Variants in NEK10 observed in about 807,000 individuals in gnomAD.
The protein encoded by NEK10 is serine/threonine-protein kinase Nek10.
In NEK10, 122 loss-of-function variants were observed where a neutral mutation model predicts 159.8. The ratio of observed to expected loss-of-function variants is 0.76; its 90% CI spans 0.66 to 0.89. NEK10 has a LOEUF of 0.89. NEK10 is among the 40% of genes least tolerant of loss of function. NEK10 has a pLI of 0.00. For missense variants in NEK10, 1,342 were observed against 1,323.1 expected (o/e 1.01, Z -0.22); for synonymous variants, 466 against 457.1 (o/e 1.02, Z -0.25).
At chr3:27,219,444 G>C (rs907295815) in intron 23 of NEK10, among the ~76,000 whole-genome samples, 1 of 152,158 alleles carries the variant, frequency 6.6e-6, no homozygotes, top group African/African-American at 2.4e-5. Context: ...CATTTATCTT[G>C]AGAACATGTA....
chr3:27,131,845 T>A, intron 32 of NEK10, 35 bp downstream of exon 32: 1 of 1,205,284 alleles, frequency 8.3e-7, no homozygotes, highest in Admixed American at 1.8e-5. Flanking sequence ...TGTGGTTTTG[T>A]CAGCAAAAGA....
At chr3:27,146,465 C>A (rs1944305924) in intron 30 of NEK10, among the ~76,000 whole-genome samples, 1 of 150,800 alleles carries the variant, frequency 6.6e-6, no homozygotes, top group Non-Finnish European at 1.5e-5. Flanking sequence ...CATGAAGAAG[C>A]AAAAAATATA....
intron 28 of NEK10, among the ~76,000 whole-genome samples, chr3:27,172,198 G>A (rs1215205509): frequency 1.3e-5 from 2 of 151,856 alleles, no homozygotes; most frequent in Non-Finnish European, 2.9e-5. Context: ...AGCTGGGTGT[G>A]GTGGAGCATG....
chr3:27,157,679 G>A (rs796267947), intron 30 of NEK10, among the ~76,000 whole-genome samples: 1 of 152,172 alleles, frequency 6.6e-6, no homozygotes, highest in East Asian at 1.9e-4. Context: ...GTAGGTTTCA[G>A]GGGACTGACT....
At chr3:27,287,975 A>ATTTATTTAAT (rs1222350647) in intron 19 of NEK10, among the ~76,000 whole-genome samples, 2 of 152,234 alleles carry the variant, frequency 1.3e-5, no homozygotes, top group East Asian at 3.9e-4. Context: ...ATAAAATTAA[A>ATTTATTTAAT]AACGTTCTAT....
At chr3:27,232,264 C>G (rs1175761414) in intron 23 of NEK10, among the ~76,000 whole-genome samples, 1 of 151,700 alleles carries the variant, frequency 6.6e-6, no homozygotes, top group Non-Finnish European at 1.5e-5. Context: ...TGCTACACAC[C>G]AAGAATGACC....
chr3:27,174,704 C>A lies in NEK10; in HGVS notation c.2635G>T (p.Ala879Ser), dbSNP rs564767841. 12 of 1,613,484 alleles carry A rather than the reference C, an allele frequency of 7.4e-6. 1 individual carries two copies. The South Asian group carries it at 7.7e-5, about 10-fold the overall frequency. The change falls in exon 27 of 36, where the codon GCC (alanine) becomes TCC (serine). Residue 879 changes from alanine (A) to serine (S), a missense_variant. Coordinates refer to ENST00000691995, the MANE Select transcript of NEK10 (RefSeq NM_001394966.1). ...TCATCTGACAGGATTTCGTCACAGG[C>A]CCTGTCTTCGTCTTTACCATAGGAG... ...QASYGKDEDR[A>S]CDEILSDDNF...
rs531790492 is a variant in NEK10 at position 27,252,207 on chromosome 3, A to T, written c.2090+4089T>A. On this transcript the variant is annotated intron_variant, in intron 23 of 35. Transcript: ENST00000691995. ...CTATAAGCCAATTCAAGTACAACAT[A>T]AGGTCAGGTAGAGGCAAGACTATGA... The T allele has an allele frequency of 1.6e-4, 79 of 505,474 alleles. No homozygotes were observed. In the East Asian group the frequency reaches 4.3e-3, roughly 28 times the overall value. The allele number at this position is 505,474 out of a possible 1,614,324, so 31.3% of individuals were successfully genotyped here. A position where few individuals can be genotyped will look rare whatever the true frequency, so the allele number is the denominator to read the frequency against.
intron 7 of NEK10, among the ~76,000 whole-genome samples, chr3:27,312,990 C>A (rs2044824045): frequency 6.6e-6 from 1 of 151,794 alleles, no homozygotes; most frequent in Non-Finnish European, 1.5e-5. Context: ...TTTCTGTAAA[C>A]ATTATACAGG....
chr3:27,293,205 TA>T (rs1238626095), intron 16 of NEK10, among the ~76,000 whole-genome samples: 1 of 152,056 alleles, frequency 6.6e-6, no homozygotes, highest in Non-Finnish European at 1.5e-5. Context: ...TCCCTTTGAT[TA>T]AAGTGAAATT....
chr3:27,293,580 C>A lies in NEK10; in HGVS notation c.1373+8G>T. 6.9e-7 allele frequency: 1 copy of A among 1,456,782 alleles called. No homozygotes were observed. The highest frequency in any genetic ancestry group is 9.6e-7 in the Non-Finnish European group (1 of 1,044,080). The allele number at this position is 1,456,782 out of a possible 1,614,324, so 90.2% of individuals were successfully genotyped here. A position where few individuals can be genotyped will look rare whatever the true frequency, so the allele number is the denominator to read the frequency against. ...CTAATGATCACTTATATTTCTCTAA[C>A]CTCATACCTTTTAAAGAGTGGTCTG... On this transcript the variant is annotated splice_region_variant and intron_variant, in intron 16 of 35. Transcript: ENST00000691995.
At chr3:27,123,817 C>T (rs773855977) in intron 32 of NEK10, among the ~76,000 whole-genome samples, 1 of 151,784 alleles carries the variant, frequency 6.6e-6, no homozygotes, top group African/African-American at 2.4e-5. Flanking sequence ...GCGAGAAGAA[C>T]ATTACAGGCA....
chr3:27,285,002 A>G (rs759935903), intron 20 of NEK10, 41 bp from the exon 21 acceptor site: 6 of 1,510,448 alleles, frequency 4.0e-6, no homozygotes, highest in Non-Finnish European at 4.5e-6. Context: ...TTTAAACTCA[A>G]TACAGGCATC....
At chr3:27,140,214 C>T (rs1022114902) in intron 31 of NEK10, among the ~76,000 whole-genome samples, 1 of 152,134 alleles carries the variant, frequency 6.6e-6, no homozygotes, top group Non-Finnish European at 1.5e-5. Context: ...TAGACAGAAA[C>T]CTGCCCTAAG....
At chr3:27,285,989 A>AT (rs1457998959) in intron 20 of NEK10, among the ~76,000 whole-genome samples, 3 of 140,978 alleles carry the variant, frequency 2.1e-5, no homozygotes, top group Non-Finnish European at 4.6e-5. Flanking sequence ...CTCTAGCTTT[A>AT]TTTTTAATTT....
At chr3:27,115,378 A>T (rs1185915231) in intron 35 of NEK10, among the ~76,000 whole-genome samples, 1 of 152,220 alleles carries the variant, frequency 6.6e-6, no homozygotes, top group East Asian at 1.9e-4. Flanking sequence ...AATAGCATAT[A>T]CTCTTAGAAC....
chr3:27,126,349 C>T (rs149886816), intron 32 of NEK10, among the ~76,000 whole-genome samples: 3 of 152,160 alleles, frequency 2.0e-5, no homozygotes, highest in African/African-American at 4.8e-5. Context: ...TTATCAAAAG[C>T]GTGATCTATA....
intron 31 of NEK10, among the ~76,000 whole-genome samples, chr3:27,139,558 G>A (rs1191056312): frequency 6.6e-6 from 1 of 152,166 alleles, no homozygotes; most frequent in Admixed American, 6.5e-5. Flanking sequence ...AGAAGGGTAG[G>A]CCAAGAAGGG....
chr3:27,143,850 C>T (rs1343499046), intron 30 of NEK10, among the ~76,000 whole-genome samples: 1 of 152,148 alleles, frequency 6.6e-6, no homozygotes, highest in Non-Finnish European at 1.5e-5. Flanking sequence ...ATGTACACTT[C>T]AAAACAGTGT....
Sources: allele counts gnomAD v4.1 joint callset (sites outside exome capture counted in the v4.1 genomes callset), GRCh38; gene constraint gnomAD v4.1.1; transcripts MANE v1.5; gene names NCBI Gene and HGNC (gene_info 2026-07-23, HGNC 2026-07-21).